CCBE1: variants seen among roughly 807,000 people sequenced by gnomAD.
The protein encoded by CCBE1 is collagen and calcium binding EGF domains 1.
In CCBE1, 37 loss-of-function variants were observed where a neutral mutation model predicts 50.0. The observed-to-expected ratio is 0.74, with a 90% CI of 0.57 to 0.97. CCBE1 has a LOEUF of 0.97. Ranked by LOEUF, CCBE1 falls within the 50% of genes least tolerant of loss-of-function variation. The pLI is 0.00. For missense variants in CCBE1, 538 were observed against 523.8 expected (o/e 1.03, Z -0.26); for synonymous variants, 234 against 203.7 (o/e 1.15, Z -1.27).
intron 2 of CCBE1, among the ~76,000 whole-genome samples, chr18:59,632,080 T>G (rs986312279): frequency 1.3e-5 from 2 of 152,152 alleles, no homozygotes; most frequent in African/African-American, 4.8e-5. Flanking sequence ...AACAAATAAC[T>G]AAGCATTGAA....
chr18:59,674,212 C>T (rs2054468961), intron 2 of CCBE1, among the ~76,000 whole-genome samples: 1 of 152,164 alleles, frequency 6.6e-6, no homozygotes, highest in South Asian at 2.1e-4. Flanking sequence ...ATAGCAAAGA[C>T]TTGGAACCAA....
intron 6 of CCBE1, among the ~76,000 whole-genome samples, chr18:59,453,940 TCTG>T (rs1425536427): frequency 6.6e-6 from 1 of 152,118 alleles, no homozygotes; most frequent in Non-Finnish European, 1.5e-5. Context: ...TTACTAGAAA[TCTG>T]CTATACCGTC....
At chr18:59,687,237 C>G (rs544944362) in intron 2 of CCBE1, among the ~76,000 whole-genome samples, 1 of 152,322 alleles carries the variant, frequency 6.6e-6, no homozygotes, top group East Asian at 1.9e-4. Context: ...GAGGAAATAG[C>G]GCTAGACAAA....
intron 10 of CCBE1, among the ~76,000 whole-genome samples, chr18:59,437,572 G>A (rs551410198): frequency 2.0e-5 from 3 of 152,330 alleles, no homozygotes; most frequent in Admixed American, 6.5e-5. Context: ...AAGCAGTGAC[G>A]TGGTTTGAAT....
chr18:59,443,704 A>G (rs917576692), intron 7 of CCBE1, among the ~76,000 whole-genome samples: 1 of 152,130 alleles, frequency 6.6e-6, no homozygotes, highest in Non-Finnish European at 1.5e-5. Flanking sequence ...CCTGACCTCA[A>G]GTGATCTGCC....
intron 2 of CCBE1, among the ~76,000 whole-genome samples, chr18:59,689,729 C>T (rs1025428845): frequency 1.3e-5 from 2 of 152,202 alleles, no homozygotes; most frequent in Non-Finnish European, 2.9e-5. Flanking sequence ...GTATTTGTCC[C>T]TAGTGGGGCA....
At chr18:59,658,861 C>T (rs955352350) in intron 2 of CCBE1, among the ~76,000 whole-genome samples, 2 of 107,912 alleles carry the variant, frequency 1.9e-5, no homozygotes, top group South Asian at 6.0e-4. Context: ...GTCTGGGCAA[C>T]AGAGCAAGAC....
intron 5 of CCBE1, among the ~76,000 whole-genome samples, chr18:59,460,539 T>A (rs998344815): frequency 6.6e-6 from 1 of 152,210 alleles, no homozygotes; most frequent in Non-Finnish European, 1.5e-5. Context: ...CTGAATTGAA[T>A]GTTTGGATGT....
Position 59,434,076 on chromosome 18 carries a change from G to C in CCBE1, c.*1832C>G, listed in dbSNP as rs1040820770. ...AGCTAATTTTTGTATTTTTAGTAGA[G>C]ACAGGGTTTCACCATGTTGGTCAGG... is the stretch of plus-strand genomic sequence containing the variant. On this transcript the variant is annotated 3_prime_UTR_variant, in exon 11 of 11. Coordinates refer to ENST00000439986, the MANE Select transcript of CCBE1 (RefSeq NM_133459.4). The C allele has an allele frequency of 5.9e-5, 9 of 151,412 alleles. No individual in the cohort carries two copies. The highest frequency in any genetic ancestry group is 1.2e-4 in the Non-Finnish European group (8 of 67,978). 9.4% of individuals were successfully genotyped at this position (151,412 alleles called of 1,614,324 possible). A position where few individuals can be genotyped will look rare whatever the true frequency, so the allele number is the denominator to read the frequency against.
intron 9 of CCBE1, among the ~76,000 whole-genome samples, chr18:59,438,979 G>A (rs538037991): frequency 1.2e-4 from 18 of 152,126 alleles, no homozygotes; most frequent in Middle Eastern, 3.4e-3. Context: ...GCGAAACCCC[G>A]TCTCTACTAA....
chr18:59,487,874 C>T (rs1055557265), intron 2 of CCBE1, among the ~76,000 whole-genome samples: 4 of 152,200 alleles, frequency 2.6e-5, no homozygotes, highest in Admixed American at 6.5e-5. Context: ...AAAGCAGGGA[C>T]TCAAACAGAT....
At chr18:59,593,179 C>T (rs1309105595) in intron 2 of CCBE1, among the ~76,000 whole-genome samples, 1 of 152,058 alleles carries the variant, frequency 6.6e-6, no homozygotes, top group Non-Finnish European at 1.5e-5. Context: ...GTGGCATAAT[C>T]GTTTGGTATT....
chr18:59,492,084 G>A (rs1056465722), intron 2 of CCBE1, among the ~76,000 whole-genome samples: 2 of 141,496 alleles, frequency 1.4e-5, no homozygotes, highest in Admixed American at 1.5e-4. Flanking sequence ...GGGGGAGGTT[G>A]CAGTGGGCCA....
chr18:59,567,254 G>A (rs963227307), intron 2 of CCBE1, among the ~76,000 whole-genome samples: 1 of 151,890 alleles, frequency 6.6e-6, no homozygotes, highest in African/African-American at 2.4e-5. Flanking sequence ...AAGTAGCTGG[G>A]AGGCTACCAT....
chr18:59,449,704 C>T (rs1032019539), intron 6 of CCBE1, among the ~76,000 whole-genome samples: 2 of 151,950 alleles, frequency 1.3e-5, no homozygotes, highest in African/African-American at 2.4e-5. Flanking sequence ...TTTGGTAAGT[C>T]CCTTCATCCT....
intron 6 of CCBE1, 37 bp downstream of exon 6, chr18:59,454,814 C>T: frequency 6.5e-7 from 1 of 1,545,154 alleles, no homozygotes; most frequent in Non-Finnish European, 9.0e-7. Flanking sequence ...GCCCTCCTTC[C>T]ATCAGGCATC....
rs570811705 is a variant in CCBE1, at chr18:59,547,827, G to A, written c.213-67589C>T. 3.3e-5 allele frequency among the ~76,000 whole-genome samples: 5 copies of A among 152,286 alleles called. No homozygotes were observed. The South Asian group carries it at 6.2e-4, about 19-fold the overall frequency. On this transcript the variant is annotated intron_variant, in intron 2 of 10. Coordinates refer to ENST00000439986, the MANE Select transcript of CCBE1 (RefSeq NM_133459.4). ...AGCAGAGTGCTGGGGCACTAGGAAGGCTCTTCCTGCTTGGCTGCCACAGCT... is the reference window on the plus strand; with the variant it reads ...AGCAGAGTGCTGGGGCACTAGGAAGACTCTTCCTGCTTGGCTGCCACAGCT...
chr18:59,561,603 C>T (rs936059700), intron 2 of CCBE1, among the ~76,000 whole-genome samples: 1 of 152,212 alleles, frequency 6.6e-6, no homozygotes, highest in African/African-American at 2.4e-5. Flanking sequence ...TGACACTGTA[C>T]AGGTGCTCTT....
intron 2 of CCBE1, among the ~76,000 whole-genome samples, chr18:59,487,263 A>G (rs1912868227): frequency 2.6e-5 from 4 of 151,712 alleles, no homozygotes; most frequent in Admixed American, 2.0e-4. Flanking sequence ...GGGAGTCTGG[A>G]AGAGATTTTT....
Sources: allele counts gnomAD v4.1 joint callset (sites outside exome capture counted in the v4.1 genomes callset), GRCh38; gene constraint gnomAD v4.1.1; transcripts MANE v1.5; gene names NCBI Gene and HGNC (gene_info 2026-07-23, HGNC 2026-07-21).